DST: variants seen among roughly 807,000 people sequenced by gnomAD.
DST encodes the protein dystonin.
Under a neutral mutation model 875.2 loss-of-function variants are expected in DST, and 253 were observed. That is an observed-to-expected ratio of 0.29 (90% CI 0.26 to 0.32). The LOEUF (loss-of-function observed/expected upper bound fraction) is 0.32, where lower values mean the gene tolerates loss of function less well. Ranked by LOEUF, DST falls within the 10% of genes least tolerant of loss-of-function variation. The pLI is 1.00. For missense variants in DST, 8,287 were observed against 9,111.6 expected (o/e 0.91, Z 3.68); for synonymous variants, 3,124 against 3,197.1 (o/e 0.98, Z 0.77).
At chr6:56,532,002 T>G (rs895458227) in intron 64 of DST, among the ~76,000 whole-genome samples, 4 of 152,196 alleles carry the variant, frequency 2.6e-5, no homozygotes, top group African/African-American at 9.6e-5. Flanking sequence ...TCTTAGACTG[T>G]ACCCTATCTG....
intron 4 of DST, among the ~76,000 whole-genome samples, chr6:56,808,917 A>C (rs370971960): frequency 5.1e-4 from 78 of 152,294 alleles, no homozygotes; most frequent in Middle Eastern, 6.8e-3. Context: ...TTGTTGCATG[A>C]GTCTGGTGTA....
intron 63 of DST, 80 bp from the exon 64 acceptor site, chr6:56,532,590 G>C: frequency 7.6e-7 from 1 of 1,319,092 alleles, no homozygotes; most frequent in Non-Finnish European, 1.0e-6. Flanking sequence ...AAGTACATTT[G>C]AAGTATGACA....
chr6:56,807,361 C>A (rs936518861), intron 4 of DST, among the ~76,000 whole-genome samples: 1 of 152,152 alleles, frequency 6.6e-6, no homozygotes, highest in Non-Finnish European at 1.5e-5. Flanking sequence ...CAATTACAAT[C>A]AAAATCATGG....
rs1287358640 is a variant in DST at position 56,605,655 on chromosome 6, G to A, written c.8973C>T (p.Asp2991=). The A allele has an allele frequency of 4.3e-6, 7 of 1,612,790 alleles. No individual in the cohort carries two copies. Among genetic ancestry groups the A allele is most frequent in the Non-Finnish European group, 5.1e-6 (6 of 1,179,318 alleles). ...EYFKNMTPKV[D]SSLDHIICTE... Reference sequence around the variant, plus strand: ...TACAAATGATGTGATCAAGAGATGAGTCAACTTTTGGTGTCATATTCTTAA... The same window carrying A: ...TACAAATGATGTGATCAAGAGATGAATCAACTTTTGGTGTCATATTCTTAA... Residue 2991 remains aspartate, a synonymous_variant, in exon 40 of 104, where the codon GAC becomes GAT. Transcript: ENST00000680361.
At chr6:56,866,156 G>A (rs749447383) in intron 3 of DST, among the ~76,000 whole-genome samples, 5 of 151,886 alleles carry the variant, frequency 3.3e-5, no homozygotes, top group Non-Finnish European at 5.9e-5. Context: ...ACCACACCCG[G>A]CTAATTTTTT....
chr6:56,949,242 TTTTG>T (rs994682488), intron 2 of DST, among the ~76,000 whole-genome samples: 2 of 152,306 alleles, frequency 1.3e-5, no homozygotes, highest in Admixed American at 6.5e-5. Flanking sequence ...AAGTGAGAGT[TTTTG>T]TTTGTTTGTT....
chr6:56,472,098 T>C lies in DST; in HGVS notation c.22119A>G (p.Arg7373=), dbSNP rs192453671. 2,015 of 1,613,978 alleles carry C rather than the reference T, an allele frequency of 1.2e-3. 32 individuals are homozygous for C. In the South Asian group the frequency reaches 0.021, roughly 16 times the overall value. Residue 7373 remains arginine, a synonymous_variant, in exon 94 of 104, where the codon AGA becomes AGG. Transcript: ENST00000680361. Reference sequence around the variant, plus strand: ...CCAAGGCATCATTGAGTTTCCTCCTTCTTTCCAACGCCAGGAGCCAGACTT... The same window carrying C: ...CCAAGGCATCATTGAGTTTCCTCCTCCTTTCCAACGCCAGGAGCCAGACTT... The part of the protein sequence containing the change: ...WQQVWLLALE[R]RRKLNDALDR...
chr6:56,795,967 T>C (rs1489932733), intron 4 of DST, among the ~76,000 whole-genome samples: 3 of 152,294 alleles, frequency 2.0e-5, no homozygotes, highest in Non-Finnish European at 4.4e-5. Flanking sequence ...AGAAGACAGT[T>C]TGTCAAAACA....
intron 4 of DST, among the ~76,000 whole-genome samples, chr6:56,804,324 G>A (rs945879360): frequency 1.3e-5 from 2 of 151,992 alleles, no homozygotes; most frequent in Non-Finnish European, 2.9e-5. Context: ...TCTAGGAAAA[G>A]CTGTCGTTAA....
chr6:56,640,048 C>A lies in DST; in HGVS notation c.2500G>T (p.Asp834Tyr). 2 of 1,613,990 alleles carry A rather than the reference C, an allele frequency of 1.2e-6. No individual in the cohort carries two copies. The highest frequency in any genetic ancestry group is 1.1e-5 in the South Asian group (1 of 91,070). ...AAATCTGAGCCCCACTCAGTGCGGT[C>A]CAGTTGTACCTTCAGACAGTAAAAT... is the stretch of plus-strand genomic sequence containing the variant. ...NWVDEMQVQL[D>Y]RTEWGSDLPS... The change falls in exon 19 of 104, where the codon GAC (aspartate) becomes TAC (tyrosine). Residue 834 changes from aspartate (D) to tyrosine (Y), a missense_variant. Coordinates refer to ENST00000680361, the MANE Select transcript of DST (RefSeq NM_001374736.1).
At chr6:56,872,832 C>CCT (rs5876523) in intron 3 of DST, among the ~76,000 whole-genome samples, 8,429 of 127,804 alleles carry the variant, frequency 0.066, 841 homozygotes, top group African/African-American at 0.22. Flanking sequence ...TCCCCCCCCC[C>CCT]TTTTTTTTTT....
rs192660010 is a variant in DST, at chr6:56,935,753, C to A, written c.216+18032G>T. 4.7e-3 allele frequency among the ~76,000 whole-genome samples: 709 copies of A among 152,058 alleles called. 4 individuals carry two copies. The highest frequency in any genetic ancestry group is 7.8e-3 in the Non-Finnish European group (530 of 67,988). On this transcript the variant is annotated intron_variant, in intron 2 of 103. Coordinates refer to ENST00000680361, the MANE Select transcript of DST (RefSeq NM_001374736.1). ...CCATCCTGGCCAACATGGTGAAAAC[C>A]CGTCTCTACTAAAATACAAAAATTA... is the stretch of plus-strand genomic sequence containing the variant.
chr6:56,632,749 G>T, intron 28 of DST, 105 bp downstream of exon 28: 1 of 886,044 alleles, frequency 1.1e-6, no homozygotes, highest in Non-Finnish European at 1.8e-6. Flanking sequence ...CATATCATAG[G>T]CTGGGTGATA....
intron 85 of DST, 55 bp from the exon 86 acceptor site, chr6:56,489,664 G>A: frequency 2.6e-6 from 4 of 1,510,850 alleles, no homozygotes; most frequent in South Asian, 2.5e-5. Context: ...TTATACTTGA[G>A]ATCTAGCACA....
intron 10 of DST, among the ~76,000 whole-genome samples, chr6:56,666,212 A>T (rs2099071457): frequency 6.6e-6 from 1 of 152,158 alleles, no homozygotes; most frequent in Admixed American, 6.6e-5. Context: ...TTCAAGAGTC[A>T]TATTCTATAT....
At chr6:56,542,488 TAGGA>T (rs2097146610) in intron 61 of DST, 1 of 146,370 alleles carries the variant, frequency 6.8e-6, no homozygotes, top group South Asian at 2.2e-4. Context: ...TGGTCCTCCT[TAGGA>T]AGGCTTATTC....
At chr6:56,611,620 C>T (rs781343293) in intron 37 of DST, 24 bp from the exon 38 acceptor site, 1 of 1,473,016 alleles carries the variant, frequency 6.8e-7, no homozygotes, top group Non-Finnish European at 9.4e-7. Context: ...AAGGCACATT[C>T]AAACTCTTCC....
chr6:56,885,360 G>C (rs1475493857), intron 3 of DST, among the ~76,000 whole-genome samples: 1 of 152,166 alleles, frequency 6.6e-6, no homozygotes, highest in Non-Finnish European at 1.5e-5. Flanking sequence ...TGGCTCATAT[G>C]ATAATGCTAT....
chr6:56,749,528 C>T (rs148113670), intron 4 of DST, among the ~76,000 whole-genome samples: 6 of 152,166 alleles, frequency 3.9e-5, no homozygotes, highest in East Asian at 1.9e-4. Flanking sequence ...CCTTAATACA[C>T]GGCCTAATAT....
Sources: allele counts gnomAD v4.1 joint callset (sites outside exome capture counted in the v4.1 genomes callset), GRCh38; gene constraint gnomAD v4.1.1; transcripts MANE v1.5; gene names NCBI Gene and HGNC (gene_info 2026-07-23, HGNC 2026-07-21).